TCF12: variants seen among roughly 807,000 people sequenced by gnomAD.
TCF12 encodes transcription factor 12.
A neutral mutation model predicts 86.0 loss-of-function variants in TCF12; 45 were observed. That is an observed-to-expected ratio of 0.52 (90% CI 0.41 to 0.67). TCF12 has a LOEUF of 0.67. Ranked by LOEUF, TCF12 falls within the 30% of genes least tolerant of loss-of-function variation. TCF12 has a pLI of 0.00. For synonymous variants in TCF12, 330 were observed against 299.6 expected (o/e 1.10, Z -1.05); for missense variants, 881 against 859.9 (o/e 1.02, Z -0.31).
At chr15:57,085,933 A>T (rs1161488818) in intron 4 of TCF12, among the ~76,000 whole-genome samples, 1 of 152,112 alleles carries the variant, frequency 6.6e-6, no homozygotes, top group African/African-American at 2.4e-5. Context: ...TACTTGTTCA[A>T]TCCGGTTAGA....
At chr15:57,178,340 A>G (rs1187127115) in intron 6 of TCF12, among the ~76,000 whole-genome samples, 1 of 152,198 alleles carries the variant, frequency 6.6e-6, no homozygotes, top group Non-Finnish European at 1.5e-5. Context: ...CCAGTACGTA[A>G]TGTTTCATTT....
At chr15:57,119,026 T>TTA (rs2051035206) in intron 5 of TCF12, among the ~76,000 whole-genome samples, 1 of 152,210 alleles carries the variant, frequency 6.6e-6, no homozygotes, top group Non-Finnish European at 1.5e-5. Flanking sequence ...TCATGTACTG[T>TTA]GATAGGTTAG....
rs566922521 is a variant in TCF12, at chr15:57,154,421, C to T, written c.326-11981C>T. 2.6e-5 allele frequency among the ~76,000 whole-genome samples: 4 copies of T among 152,284 alleles called. No homozygotes were observed. The South Asian group carries it at 6.2e-4, about 24-fold the overall frequency. ...GGGACCATCAGACCCAAGGTGCTCC[C>T]CTAAAACCACTTTGCCCAAACCTTA... On this transcript the variant is annotated intron_variant, in intron 5 of 20. Transcript: ENST00000333725.
At chr15:57,010,029 A>G (rs1378105554) in intron 3 of TCF12, among the ~76,000 whole-genome samples, 1 of 152,124 alleles carries the variant, frequency 6.6e-6, no homozygotes, top group African/African-American at 2.4e-5. Flanking sequence ...TTCTTTATCC[A>G]TTGTGAGTTT....
intron 9 of TCF12, 84 bp from the exon 10 acceptor site, chr15:57,232,207 T>C: frequency 6.8e-7 from 1 of 1,481,112 alleles, no homozygotes; most frequent in Non-Finnish European, 9.4e-7. Flanking sequence ...ATCTGGAGGG[T>C]ACCCCTTGAA....
intron 8 of TCF12, among the ~76,000 whole-genome samples, chr15:57,198,806 A>C (rs2057395620): frequency 6.6e-6 from 1 of 152,200 alleles, no homozygotes; most frequent in Non-Finnish European, 1.5e-5. Flanking sequence ...AGCTCATCGA[A>C]GTATAGACTG....
intron 3 of TCF12, among the ~76,000 whole-genome samples, chr15:56,984,558 G>T (rs12441263): frequency 0.04 from 6,131 of 152,028 alleles, 369 homozygotes; most frequent in Admixed American, 0.17. Context: ...CAAAATAATG[G>T]TAAAAAAAAT....
At chr15:56,976,488 C>A (rs186001679) in intron 3 of TCF12, among the ~76,000 whole-genome samples, 1 of 151,688 alleles carries the variant, frequency 6.6e-6, no homozygotes, top group Admixed American at 6.6e-5. Flanking sequence ...CCGCCCGCCT[C>A]GGCCTCCCAA....
rs74535417 is a variant in TCF12, at chr15:56,963,440, T to G, written c.148+42342T>G. Among the ~76,000 whole-genome samples the G allele has an allele frequency of 4.2e-4, 64 of 152,298 alleles. 2 individuals carry two copies. The East Asian group carries it at 0.012, about 29-fold the overall frequency. ...AGTTCTAGGCAGAATTTAGCTTTGT[T>G]GTTTTTGATTCAGGAGTTAAATCTT... On this transcript the variant is annotated intron_variant, in intron 3 of 20. Coordinates refer to ENST00000333725, the MANE Select transcript of TCF12 (RefSeq NM_207037.2).
intron 6 of TCF12, among the ~76,000 whole-genome samples, chr15:57,179,049 T>G (rs945128134): frequency 1.3e-5 from 2 of 151,938 alleles, no homozygotes; most frequent in African/African-American, 4.8e-5. Flanking sequence ...AAAAAAAAAT[T>G]AGTGAAAAAG....
chr15:57,219,289 G>A, intron 8 of TCF12: 1 of 1,208,962 alleles, frequency 8.3e-7, no homozygotes, highest in Non-Finnish European at 1.0e-6. Context: ...TGTCTTATTG[G>A]TATCCTCCAC....
At chr15:57,173,854 C>T (rs906175801) in intron 6 of TCF12, among the ~76,000 whole-genome samples, 4 of 151,812 alleles carry the variant, frequency 2.6e-5, no homozygotes, top group Non-Finnish European at 4.4e-5. Flanking sequence ...ACTACAGGTG[C>T]CCGCCACCAC....
At chr15:57,186,027 G>A (rs2056647955) in intron 6 of TCF12, among the ~76,000 whole-genome samples, 1 of 152,092 alleles carries the variant, frequency 6.6e-6, no homozygotes, top group African/African-American at 2.4e-5. Context: ...GAAATAAAAA[G>A]GATTATAAGA....
intron 3 of TCF12, among the ~76,000 whole-genome samples, chr15:57,001,701 C>CA (rs1319997213): frequency 1.3e-5 from 2 of 152,142 alleles, no homozygotes; most frequent in African/African-American, 4.8e-5. Flanking sequence ...TTTCCTGAAA[C>CA]ATTAATTTTT....
At chr15:57,138,549 A>G (rs71401703) in intron 5 of TCF12, among the ~76,000 whole-genome samples, 1 of 152 alleles carries the variant, frequency 6.6e-3, no homozygotes. Context: ...TATCTAACCG[A>G]AAGGAAAAGT....
chr15:57,075,109 C>A (rs1374615506), intron 4 of TCF12, among the ~76,000 whole-genome samples: 10 of 152,168 alleles, frequency 6.6e-5, no homozygotes, highest in African/African-American at 2.4e-4. Context: ...CGGAGCAGAG[C>A]ATATTCTGGT....
intron 5 of TCF12, among the ~76,000 whole-genome samples, chr15:57,151,079 G>A (rs2053718641): frequency 6.6e-6 from 1 of 151,278 alleles, no homozygotes; most frequent in Non-Finnish European, 1.5e-5. Flanking sequence ...ATTGGATCAA[G>A]TGATCCTCCT....
intron 18 of TCF12, among the ~76,000 whole-genome samples, chr15:57,267,675 G>A (rs1445289292): frequency 2.0e-5 from 3 of 152,124 alleles, no homozygotes; most frequent in Non-Finnish European, 4.4e-5. Flanking sequence ...TTACAAAAAA[G>A]GATGACCAGC....
chr15:56,977,118 A>C (rs1280401490), intron 3 of TCF12, among the ~76,000 whole-genome samples: 2 of 152,134 alleles, frequency 1.3e-5, no homozygotes, highest in African/African-American at 4.8e-5. Flanking sequence ...ATTACTACAA[A>C]ATGGGTGACT....
Sources: allele counts gnomAD v4.1 joint callset (sites outside exome capture counted in the v4.1 genomes callset), GRCh38; gene constraint gnomAD v4.1.1; transcripts MANE v1.5; gene names NCBI Gene and HGNC (gene_info 2026-07-23, HGNC 2026-07-21).